Variants in ETV4 observed in about 807,000 individuals in gnomAD.
ETV4 encodes ETS variant transcription factor 4.
In ETV4, 42 loss-of-function variants were observed where a neutral mutation model predicts 65.9. The observed-to-expected ratio is 0.64, with a 90% CI of 0.50 to 0.82. The LOEUF (loss-of-function observed/expected upper bound fraction) is 0.82, where lower values mean the gene tolerates loss of function less well. ETV4 is among the 40% of genes least tolerant of loss of function. ETV4 has a pLI of 0.00. For synonymous variants in ETV4, 238 were observed against 260.0 expected (o/e 0.92, Z 0.81); for missense variants, 583 against 630.3 (o/e 0.92, Z 0.80).
At chr17:43,532,049 G>T (rs1036756229) in intron 8 of ETV4, among the ~76,000 whole-genome samples, 1 of 152,132 alleles carries the variant, frequency 6.6e-6, no homozygotes, top group Non-Finnish European at 1.5e-5. Context: ...AAATAGACAC[G>T]AGGTCTCACT....
In ETV4 at chr17:43,544,974, C is replaced by A. The variant is rs771867480; in HGVS notation, c.202+1G>T. 1 of 1,613,976 alleles carries A rather than the reference C, an allele frequency of 6.2e-7. No individual in the cohort carries two copies. The highest frequency in any genetic ancestry group is 1.1e-5 in the South Asian group (1 of 91,056). On this transcript the variant is annotated splice_donor_variant, in intron 4 of 12. Transcript: ENST00000319349. LOFTEE classifies it high-confidence loss of function. ...ATAGAAAAGGTCACAAAACTACTCA[C>A]CTTCAGCGAGCCACGTCTCCTGGAA...
At chr17:43,545,936 T>C (rs148651489) in intron 1 of ETV4, 136 of 72,024 alleles carry the variant, frequency 1.9e-3, no homozygotes, top group Admixed American at 0.011. Flanking sequence ...CATAAGAACG[T>C]GTGTGTGTGT....
rs765066483 is a variant in ETV4, at chr17:43,532,745, A to T, written c.740T>A (p.Val247Asp). Reference sequence around the variant, plus strand: ...CGCCCCTGGGTACCTGTGCCCATTGACCCCACCCTGGTCCACGGCTGGCTG... The same window carrying T: ...CGCCCCTGGGTACCTGTGCCCATTGTCCCCACCCTGGTCCACGGCTGGCTG... ...AGQPAVDQGGVNGHRYPGAGV... is the reference protein window; with the variant it reads ...AGQPAVDQGGDNGHRYPGAGV... Residue 247 changes from valine to aspartate, a missense_variant, in exon 8 of 13, where the codon GTC becomes GAC. By Grantham distance (152) the Val-to-Asp change is radical. Coordinates refer to ENST00000319349, the MANE Select transcript of ETV4 (RefSeq NM_001079675.5). 3.1e-6 allele frequency: 5 copies of T among 1,613,612 alleles called. No homozygotes were observed. The African/African-American group carries it at 5.4e-5, about 17-fold the overall frequency.
intron 8 of ETV4, among the ~76,000 whole-genome samples, chr17:43,531,410 AAAG>A (rs1970929845): frequency 1.3e-5 from 2 of 152,216 alleles, no homozygotes; most frequent in South Asian, 2.1e-4. Context: ...ACTAGAATTT[AAAG>A]AAGTCCCTAC....
chr17:43,532,648 C>A (rs1196608229), intron 8 of ETV4, 26 bp downstream of exon 8: 1 of 1,593,774 alleles, frequency 6.3e-7, no homozygotes, highest in Non-Finnish European at 8.6e-7. Flanking sequence ...GATCACATGC[C>A]ACCCTGCCCC....
intron 4 of ETV4, among the ~76,000 whole-genome samples, chr17:43,538,159 AT>A (rs1401187981): frequency 5.5e-5 from 7 of 128,120 alleles, no homozygotes; most frequent in African/African-American, 2.2e-4. Context: ...AAAAAAAAAA[AT>A]TAGCTGGACG....
rs561289936 is a variant in ETV4, at chr17:43,543,665, G to A, written c.202+1310C>T. On this transcript the variant is annotated intron_variant, in intron 4 of 12. Transcript: ENST00000319349. ...AACCTCAGAAGAAGGATGGGGAGAC[G>A]GGGCAAAGCTCTGCCTGTAAATTGG... Among the ~76,000 whole-genome samples the A allele has an allele frequency of 4.6e-5, 7 of 152,266 alleles. No homozygotes were observed. The East Asian group carries it at 5.8e-4, about 13-fold the overall frequency.
At chr17:43,533,495 C>T in intron 6 of ETV4, 147 bp from the exon 7 acceptor site, 2 of 793,370 alleles carry the variant, frequency 2.5e-6, no homozygotes, top group Non-Finnish European at 4.0e-6. Flanking sequence ...GAGCCACAGA[C>T]TCAGCCCTAG....
intron 8 of ETV4, among the ~76,000 whole-genome samples, chr17:43,532,271 G>A (rs548245435): frequency 7.9e-5 from 12 of 152,306 alleles, no homozygotes; most frequent in African/African-American, 2.4e-4. Context: ...AGGCCGAGGC[G>A]ATGGATCATA....
intron 5 of ETV4, among the ~76,000 whole-genome samples, chr17:43,534,714 C>T (rs1971142231): frequency 6.6e-6 from 1 of 151,988 alleles, no homozygotes; most frequent in South Asian, 2.1e-4. Flanking sequence ...CCGAGGCGGG[C>T]GGATCACCTG....
chr17:43,539,125 T>C (rs190320399), intron 4 of ETV4, among the ~76,000 whole-genome samples: 14 of 152,256 alleles, frequency 9.2e-5, no homozygotes, highest in African/African-American at 3.1e-4. Flanking sequence ...AATAAAATCA[T>C]TTCTCTCTGT....
intron 8 of ETV4, 30 bp downstream of exon 8, chr17:43,532,644 A>G (rs1363431013): frequency 1.3e-6 from 2 of 1,591,642 alleles, no homozygotes; most frequent in African/African-American, 1.3e-5. Flanking sequence ...ACTTGATCAC[A>G]TGCCACCCTG....
rs1971772902 is a variant in ETV4, at chr17:43,545,548, C to T, written c.60+10G>A. 6.5e-7 allele frequency: 1 copy of T among 1,547,892 alleles called. No homozygotes were observed. Among genetic ancestry groups the T allele is most frequent in the African/African-American group, 1.4e-5 (1 of 72,806 alleles). On this transcript the variant is annotated intron_variant, in intron 2 of 12. Transcript: ENST00000319349. ...GGCGGGGCGGGCGTGGAGGCCGGCG[C>T]GGCGCTCACGCTGCTGAAGGTGTAG...
Position 43,536,260 on chromosome 17 carries a change from C to T in ETV4, c.256+166G>A. 6 of 690,444 alleles carry T rather than the reference C, an allele frequency of 8.7e-6. No homozygotes were observed. In the Admixed American group the frequency reaches 1.4e-4, roughly 16 times the overall value. 42.8% of individuals were successfully genotyped at this position (690,444 alleles called of 1,614,324 possible). A position where few individuals can be genotyped will look rare whatever the true frequency, so the allele number is the denominator to read the frequency against. On this transcript the variant is annotated intron_variant, in intron 5 of 12. Transcript: ENST00000319349. ...CACACAGCAAGAACATGTCAAGCCC[C>T]AGATTTCAACCAAGGTTTTCATTCC...
intron 5 of ETV4, among the ~76,000 whole-genome samples, chr17:43,536,051 C>T (rs1470203703): frequency 6.6e-6 from 1 of 152,218 alleles, no homozygotes; most frequent in African/African-American, 2.4e-5. Flanking sequence ...GCGGAAGTTG[C>T]AGTGAGCCGA....
chr17:43,533,104 C>A, intron 7 of ETV4, 83 bp downstream of exon 7: 2 of 1,550,826 alleles, frequency 1.3e-6, no homozygotes, highest in South Asian at 1.2e-5. Flanking sequence ...TCTACCACCC[C>A]ACAGCTCAAG....
At chr17:43,538,679 C>T (rs774760058) in intron 4 of ETV4, among the ~76,000 whole-genome samples, 3 of 151,940 alleles carry the variant, frequency 2.0e-5, no homozygotes, top group Non-Finnish European at 4.4e-5. Context: ...CACTTTTGCC[C>T]CTCTCTCAAA....
At chr17:43,542,165 A>AGATC (rs1971557685) in intron 4 of ETV4, among the ~76,000 whole-genome samples, 1 of 152,316 alleles carries the variant, frequency 6.6e-6, no homozygotes, top group South Asian at 2.1e-4. Flanking sequence ...AGGGGAGCGC[A>AGATC]GATCGATCGA....
chr17:43,542,365 T>G (rs1971568463), intron 4 of ETV4, among the ~76,000 whole-genome samples: 1 of 151,790 alleles, frequency 6.6e-6, no homozygotes, highest in African/African-American at 2.4e-5. Context: ...TGGCCTAGAG[T>G]CAATGGCCCT....
Sources: allele counts gnomAD v4.1 joint callset (sites outside exome capture counted in the v4.1 genomes callset), GRCh38; gene constraint gnomAD v4.1.1; transcripts MANE v1.5; gene names NCBI Gene and HGNC (gene_info 2026-07-23, HGNC 2026-07-21).